ADAMTS2: variants seen among roughly 807,000 people sequenced by gnomAD.
ADAMTS2 encodes the protein A disintegrin and metalloproteinase with thrombospondin motifs 2.
In ADAMTS2, 50 loss-of-function variants were observed where a neutral mutation model predicts 123.0. The observed-to-expected ratio is 0.41, with a 90% CI of 0.32 to 0.51. ADAMTS2 has a LOEUF of 0.51. ADAMTS2 is among the 20% of genes least tolerant of loss of function. ADAMTS2 has a pLI of 0.35. For missense variants in ADAMTS2, 1,494 were observed against 1,705.2 expected (o/e 0.88, Z 2.18); for synonymous variants, 678 against 695.4 (o/e 0.98, Z 0.39).
chr5:179,254,767 A>G (rs1242473187), intron 3 of ADAMTS2, among the ~76,000 whole-genome samples: 1 of 152,224 alleles, frequency 6.6e-6, no homozygotes, highest in Non-Finnish European at 1.5e-5. Context: ...GCTGAAAGAA[A>G]CACAACAGGG....
At chr5:179,212,188 G>T (rs1230414893) in intron 3 of ADAMTS2, among the ~76,000 whole-genome samples, 4 of 152,056 alleles carry the variant, frequency 2.6e-5, no homozygotes, top group Non-Finnish European at 4.4e-5. Context: ...GGCTCTGAGG[G>T]TGGGTACAGT....
chr5:179,343,150 G>A (rs1487667514), intron 2 of ADAMTS2, among the ~76,000 whole-genome samples: 2 of 152,204 alleles, frequency 1.3e-5, no homozygotes, highest in African/African-American at 4.8e-5. Context: ...AGGGGCAGAG[G>A]GCTAACTGGG....
intron 18 of ADAMTS2, among the ~76,000 whole-genome samples, chr5:179,125,516 C>T (rs1032627178): frequency 6.6e-6 from 1 of 152,154 alleles, no homozygotes; most frequent in African/African-American, 2.4e-5. Flanking sequence ...TACCTGGCCT[C>T]ACCTTCTGCT....
chr5:179,245,108 T>C (rs138755029), intron 3 of ADAMTS2, among the ~76,000 whole-genome samples: 6 of 152,256 alleles, frequency 3.9e-5, no homozygotes, highest in African/African-American at 1.4e-4. Context: ...GGGCCCAGTG[T>C]AATCACAAGG....
intron 3 of ADAMTS2, among the ~76,000 whole-genome samples, chr5:179,209,002 C>T (rs561430369): frequency 2.0e-5 from 3 of 152,340 alleles, no homozygotes; most frequent in African/African-American, 4.8e-5. Context: ...TTTTCACCCC[C>T]AACGCCTCTC....
chr5:179,246,101 G>A lies in ADAMTS2; in HGVS notation c.688+26810C>T, dbSNP rs148579979. 5.7e-3 allele frequency among the ~76,000 whole-genome samples: 866 copies of A among 152,290 alleles called. 11 individuals are homozygous for A. The highest frequency in any genetic ancestry group is 0.02 in the African/African-American group (829 of 41,546). On this transcript the variant is annotated intron_variant, in intron 3 of 21. Coordinates refer to ENST00000251582, the MANE Select transcript of ADAMTS2 (RefSeq NM_014244.5). ...TGAATTTTGGTGACAGTGGGTTATG[G>A]TGTTTTAATTTACTTGCTTACCATT...
chr5:179,168,764 T>C (rs892587368), intron 5 of ADAMTS2, among the ~76,000 whole-genome samples: 2 of 152,146 alleles, frequency 1.3e-5, no homozygotes, highest in Non-Finnish European at 2.9e-5. Flanking sequence ...GAGCACATGT[T>C]CTACCGTGCC....
rs143757086 is a variant in ADAMTS2, at chr5:179,272,936, G to A, written c.663C>T (p.Leu221=). 106 of 1,610,920 alleles carry A rather than the reference G, an allele frequency of 6.6e-5. No individual in the cohort carries two copies. The highest frequency in any genetic ancestry group is 8.6e-5 in the Non-Finnish European group (102 of 1,179,964). The part of the protein sequence containing the change: ...VYRRPPTSPP[L]GGPQALDTGA... ...CTGTGTCCAGGGCCTGTGGCCCCCC[G>A]AGAGGAGGGGACGTGGGTGGCCGGC... Residue 221 remains leucine (L), a synonymous_variant, in exon 3 of 22, where the codon CTC becomes CTT. Coordinates refer to ENST00000251582, the MANE Select transcript of ADAMTS2 (RefSeq NM_014244.5). This position sits in a 1 kb window ranked among gnomAD's most constrained non-coding sequence, Gnocchi z 5.8.
chr5:179,186,904 C>T (rs763381561), intron 4 of ADAMTS2, among the ~76,000 whole-genome samples: 54 of 150,066 alleles, frequency 3.6e-4, no homozygotes, highest in Non-Finnish European at 5.3e-4. Context: ...TCACCTTCCC[C>T]TTCCACTGTC....
At chr5:179,119,715 G>A (rs1424963154) in intron 21 of ADAMTS2, among the ~76,000 whole-genome samples, 4 of 152,182 alleles carry the variant, frequency 2.6e-5, no homozygotes, top group Non-Finnish European at 5.9e-5. Flanking sequence ...GCCCAAGGCC[G>A]AGAACTGTGC....
intron 3 of ADAMTS2, among the ~76,000 whole-genome samples, chr5:179,213,303 C>A (rs1199724033): frequency 6.6e-6 from 1 of 152,224 alleles, no homozygotes; most frequent in Non-Finnish European, 1.5e-5. Context: ...GCACCCCGTG[C>A]TCTTCCTTCC....
At chr5:179,210,587 T>C (rs1764825974) in intron 3 of ADAMTS2, among the ~76,000 whole-genome samples, 1 of 152,230 alleles carries the variant, frequency 6.6e-6, no homozygotes, top group Admixed American at 6.5e-5. Flanking sequence ...GCAAAGTGGG[T>C]GAGGAGAGGA....
chr5:179,131,306 CAAAAAAAAAAA>C (rs553125844), intron 15 of ADAMTS2, among the ~76,000 whole-genome samples: 3 of 22,660 alleles, frequency 1.3e-4, no homozygotes, highest in Admixed American at 8.3e-4. Flanking sequence ...GAGCGAGACT[CAAAAAAAAAAA>C]AAAAAAAAAA....
At chr5:179,204,721 G>A (rs1020443769) in intron 4 of ADAMTS2, among the ~76,000 whole-genome samples, 17 of 152,222 alleles carry the variant, frequency 1.1e-4, no homozygotes, top group African/African-American at 4.1e-4. Context: ...GCACGGCCGC[G>A]CCTTATCTCC....
Position 179,188,389 on chromosome 5 carries a change from G to C in ADAMTS2, c.892-7234C>G, listed in dbSNP as rs970875118. On this transcript the variant is annotated intron_variant, in intron 4 of 21. Coordinates refer to ENST00000251582, the MANE Select transcript of ADAMTS2 (RefSeq NM_014244.5). This position sits in a 1 kb window ranked among gnomAD's most constrained non-coding sequence, Gnocchi z 5.1. ...ACCACCAGGATGGAGGCAGAGAAGAGAGTGCAGCCAGGAGCAGGGGACAGA... is the reference window on the plus strand; with the variant it reads ...ACCACCAGGATGGAGGCAGAGAAGACAGTGCAGCCAGGAGCAGGGGACAGA... 7.9e-5 allele frequency among the ~76,000 whole-genome samples: 12 copies of C among 152,210 alleles called. No homozygotes were observed.
chr5:179,149,916 G>C (rs995072479), intron 10 of ADAMTS2, among the ~76,000 whole-genome samples: 5 of 152,082 alleles, frequency 3.3e-5, no homozygotes, highest in African/African-American at 4.8e-5. Flanking sequence ...TTCACTTACT[G>C]GGCTAAATGC....
intron 3 of ADAMTS2, among the ~76,000 whole-genome samples, chr5:179,215,220 G>C (rs964642122): frequency 6.6e-6 from 1 of 152,184 alleles, no homozygotes; most frequent in Non-Finnish European, 1.5e-5. Context: ...AGGCCGAGGC[G>C]GGTGGATCAC....
At position 179,152,248 on chromosome 5, in the gene ADAMTS2, G is replaced by T. The variant is rs1174952034; in HGVS notation, c.1523C>A (p.Thr508Asn). Reference protein sequence around the residue: ...LGYMMCTAFRTFDPCKQLWCS... With the variant: ...LGYMMCTAFRNFDPCKQLWCS... ...CCACAGCTGCTTGCAGGGGTCAAAG[G>T]TCCGGAACTGGAAGACAGCACCATA... Residue 508 changes from threonine to asparagine, a missense_variant, in exon 10 of 22, where the codon ACC becomes AAC. Thr to Asn is a moderately conservative substitution (Grantham distance 65). Coordinates refer to ENST00000251582, the MANE Select transcript of ADAMTS2 (RefSeq NM_014244.5). The T allele has an allele frequency of 2.5e-6, 4 of 1,613,836 alleles. No homozygotes were observed. Among genetic ancestry groups the T allele is most frequent in the Non-Finnish European group, 3.4e-6 (4 of 1,179,902 alleles).
In ADAMTS2 at chr5:179,181,228, C is replaced by G; in HGVS notation, c.892-73G>C. The G allele has an allele frequency of 9.4e-7, 1 of 1,058,736 alleles. No homozygotes were observed. Among genetic ancestry groups the G allele is most frequent in the African/African-American group, 1.6e-5 (1 of 64,204 alleles). 65.6% of individuals were successfully genotyped at this position (1,058,736 alleles called of 1,614,324 possible). ...GGCTCTGGCTCTGCCAATGGGATGA[C>G]CCCCACCTGCTCCTTCTTCTTCCCA... On this transcript the variant is annotated intron_variant, in intron 4 of 21. Coordinates refer to ENST00000251582, the MANE Select transcript of ADAMTS2 (RefSeq NM_014244.5). The surrounding 1 kb of genome is among the most constrained non-coding windows in gnomAD (Gnocchi z 4.1).
Sources: gnomAD v4.1 joint callset for allele counts (sites outside exome capture counted in the v4.1 genomes callset) on GRCh38, gnomAD v4.1.1 for gene constraint, Gnocchi (gnomAD v3.1) non-coding constraint, MANE v1.5 for transcripts, NCBI Gene and HGNC (gene_info 2026-07-23, HGNC 2026-07-21) for gene names.